Variants in AOAH observed in about 807,000 individuals in gnomAD.
AOAH encodes acyloxyacyl hydrolase.
Under a neutral mutation model 92.2 loss-of-function variants are expected in AOAH, and 64 were observed. The observed-to-expected ratio is 0.69, with a 90% CI of 0.57 to 0.86. The LOEUF (loss-of-function observed/expected upper bound fraction) is 0.86. AOAH is among the 40% of genes least tolerant of loss of function. The pLI, the probability that AOAH is intolerant of heterozygous loss-of-function variation, is 0.00. For missense variants in AOAH, 656 were observed against 694.6 expected, an observed-to-expected ratio of 0.94 and a Z score of 0.62; for synonymous variants, 263 against 254.5, an observed-to-expected ratio of 1.03 and a Z score of -0.32.
intron 1 of AOAH, among the ~76,000 whole-genome samples, chr7:36,694,387 A>G (rs1420320960): frequency 6.6e-6 from 1 of 152,088 alleles, no homozygotes; most frequent in Admixed American, 6.6e-5. Context: ...AATCCCAGCT[A>G]CTTGGGAGGC....
chr7:36,610,570 G>T (rs899859259), intron 11 of AOAH, among the ~76,000 whole-genome samples: 2 of 151,244 alleles, frequency 1.3e-5, no homozygotes, highest in African/African-American at 2.4e-5. Context: ...AAATGTTAAG[G>T]TGACTCTCTC....
At chr7:36,639,501 C>T (rs1449467913) in intron 4 of AOAH, among the ~76,000 whole-genome samples, 2 of 151,998 alleles carry the variant, frequency 1.3e-5, no homozygotes, top group African/African-American at 2.4e-5. Flanking sequence ...GAAATAAAAG[C>T]AAAAGAAAAT....
At chr7:36,533,278 C>T (rs1484208343) in intron 16 of AOAH, among the ~76,000 whole-genome samples, 3 of 152,106 alleles carry the variant, frequency 2.0e-5, no homozygotes, top group Admixed American at 2.0e-4. Flanking sequence ...TAACACTCCT[C>T]ACACTCTTGA....
chr7:36,644,315 G>A (rs1794095784), intron 4 of AOAH, among the ~76,000 whole-genome samples: 4 of 152,044 alleles, frequency 2.6e-5, no homozygotes, highest in Admixed American at 2.0e-4. Flanking sequence ...CTGGGAGATA[G>A]ATGTTAAACG....
At chr7:36,715,872 C>A (rs1358451661) in intron 1 of AOAH, among the ~76,000 whole-genome samples, 2 of 152,058 alleles carry the variant, frequency 1.3e-5, no homozygotes, top group African/African-American at 4.8e-5. Flanking sequence ...CATAAAAACC[C>A]TAGAAGAAAA....
chr7:36,680,424 T>C (rs760789466), intron 2 of AOAH, among the ~76,000 whole-genome samples: 6 of 152,258 alleles, frequency 3.9e-5, no homozygotes, highest in Non-Finnish European at 8.8e-5. Context: ...GTGAAAGTAA[T>C]ACTTCACTGA....
At chr7:36,585,897 C>A (rs4623316) in intron 12 of AOAH, among the ~76,000 whole-genome samples, 35,071 of 151,720 alleles carry the variant, frequency 0.23, 4,975 homozygotes, top group African/African-American at 0.39. Context: ...TTTTTTTGTA[C>A]AATGAAAATA....
At chr7:36,546,446 C>G (rs138101398) in intron 15 of AOAH, among the ~76,000 whole-genome samples, 344 of 152,320 alleles carry the variant, frequency 2.3e-3, no homozygotes, top group African/African-American at 7.9e-3. Context: ...GTGGGCACCA[C>G]AGGGACATCC....
In AOAH at chr7:36,714,075, G is replaced by A. The variant is rs549115893; in HGVS notation, c.127+9947C>T. Among the ~76,000 whole-genome samples the A allele has an allele frequency of 1.9e-3, 288 of 152,090 alleles. 2 individuals carry two copies. The highest frequency in any genetic ancestry group is 6.8e-3 in the Middle Eastern group (2 of 294). On this transcript the variant is annotated intron_variant, in intron 1 of 20. Coordinates refer to ENST00000617537, the MANE Select transcript of AOAH (RefSeq NM_001637.4). ...AAAAGATCAACAAAATTGATAGACC[G>A]CTAGCAAGACTAATAAAGAGGAAAA... is the stretch of plus-strand genomic sequence containing the variant.
At chr7:36,634,849 G>A (rs73687579) in intron 5 of AOAH, among the ~76,000 whole-genome samples, 4,549 of 152,256 alleles carry the variant, frequency 0.03, 226 homozygotes, top group African/African-American at 0.1. Flanking sequence ...GACAAAAGGT[G>A]CAATAGAATA....
intron 1 of AOAH, among the ~76,000 whole-genome samples, chr7:36,720,556 G>A (rs988334483): frequency 2.0e-5 from 3 of 152,152 alleles, no homozygotes; most frequent in East Asian, 3.9e-4. Flanking sequence ...TGCAGTGCCT[G>A]CTTCCAAGCT....
Position 36,570,521 on chromosome 7 carries a change from G to C in AOAH, c.1021+6053C>G, listed in dbSNP as rs1332166760. Among the ~76,000 whole-genome samples, 3 of 152,202 alleles carry C rather than the reference G, an allele frequency of 2.0e-5. No individual in the cohort carries two copies. The East Asian group carries it at 5.8e-4, about 29-fold the overall frequency. The stretch of plus-strand genomic sequence containing the variant: ...AATTCTTTTGGATAAATACCCAGAA[G>C]TGGGATTGCTGGATCATCTGGTAGT... On this transcript the variant is annotated intron_variant, in intron 13 of 20. Transcript: ENST00000617537.
intron 3 of AOAH, among the ~76,000 whole-genome samples, chr7:36,673,472 G>A (rs375134197): frequency 5.4e-4 from 82 of 152,040 alleles, no homozygotes; most frequent in African/African-American, 1.9e-3. Context: ...GGGAGGTGGA[G>A]GTTGCAGTGA....
intron 11 of AOAH, among the ~76,000 whole-genome samples, chr7:36,613,539 C>A (rs367804105): frequency 3.9e-5 from 6 of 152,184 alleles, no homozygotes; most frequent in African/African-American, 1.4e-4. Flanking sequence ...TCTGCAGTTT[C>A]TATTCAATTG....
chr7:36,696,101 C>G (rs987203064), intron 1 of AOAH, among the ~76,000 whole-genome samples: 1 of 152,086 alleles, frequency 6.6e-6, no homozygotes, highest in African/African-American at 2.4e-5. Flanking sequence ...TATAAATGTA[C>G]CAGTTTATTT....
At chr7:36,578,951 A>T (rs1428145996) in intron 12 of AOAH, among the ~76,000 whole-genome samples, 1 of 152,162 alleles carries the variant, frequency 6.6e-6, no homozygotes, top group East Asian at 1.9e-4. Context: ...GAAGCTTCTA[A>T]TCATGGCAGA....
chr7:36,664,728 T>C (rs2116576396), intron 3 of AOAH, among the ~76,000 whole-genome samples: 2 of 152,332 alleles, frequency 1.3e-5, no homozygotes, highest in South Asian at 4.1e-4. Context: ...AAAAAAATAC[T>C]TGAGGCTGGG....
At chr7:36,660,273 C>T (rs537453568) in intron 3 of AOAH, among the ~76,000 whole-genome samples, 1 of 151,714 alleles carries the variant, frequency 6.6e-6, no homozygotes, top group African/African-American at 2.4e-5. Flanking sequence ...TATTATTACT[C>T]AAATCAGTCT....
chr7:36,588,335 G>A (rs1226130817), intron 12 of AOAH, among the ~76,000 whole-genome samples: 1 of 152,172 alleles, frequency 6.6e-6, no homozygotes, highest in Non-Finnish European at 1.5e-5. Context: ...TTCACTTGTG[G>A]ACCCCCTGAG....
Sources: gnomAD v4.1 joint callset for allele counts (sites outside exome capture counted in the v4.1 genomes callset) on GRCh38, gnomAD v4.1.1 for gene constraint, MANE v1.5 for transcripts, NCBI Gene and HGNC (gene_info 2026-07-23, HGNC 2026-07-21) for gene names.